The following OPRL1 variants were observed in gnomAD, a reference collection of about 807,000 sequenced individuals.
OPRL1 encodes the protein nociceptin receptor.
A neutral mutation model predicts 15.5 loss-of-function variants in OPRL1; 5 were observed. That is an observed-to-expected ratio of 0.32 (90% CI 0.17 to 0.68). The LOEUF is 0.68. Ranked by LOEUF, OPRL1 falls within the 30% of genes least tolerant of loss-of-function variation. OPRL1 has a pLI of 0.72. For synonymous variants in OPRL1, 223 were observed against 230.2 expected (o/e 0.97, Z 0.28); for missense variants, 406 against 515.3 (o/e 0.79, Z 2.05).
rs949755732 is a variant in OPRL1, at chr20:64,090,425, A to G, written c.-184-1541A>G. ...CTGTTCCGTCCTCTCCTGATTTGCC[A>G]GGTATCCTAGCAACGCTGCTGCCAG... On this transcript the variant is annotated intron_variant, in intron 1 of 4. Transcript: ENST00000336866. This position sits in a 1 kb window ranked among gnomAD's most constrained non-coding sequence, Gnocchi z 4.9. 6.6e-6 allele frequency among the ~76,000 whole-genome samples: 1 copy of G among 152,210 alleles called. No individual in the cohort carries two copies. The highest frequency in any genetic ancestry group is 1.9e-4 in the East Asian group (1 of 5,198).
chr20:64,091,369 A>G (rs2060114759), intron 1 of OPRL1, among the ~76,000 whole-genome samples: 1 of 152,124 alleles, frequency 6.6e-6, no homozygotes, highest in African/African-American at 2.4e-5. Flanking sequence ...CGTGTCTCCA[A>G]GTGACGAACA....
intron 3 of OPRL1, among the ~76,000 whole-genome samples, chr20:64,096,327 G>A (rs1038401401): frequency 6.6e-6 from 1 of 152,132 alleles, no homozygotes; most frequent in African/African-American, 2.4e-5. Flanking sequence ...CAGCCAGTGG[G>A]CTGGGGTGAC....
At chr20:64,082,443 C>T (rs78839915) in intron 1 of OPRL1, among the ~76,000 whole-genome samples, 12 of 152,198 alleles carry the variant, frequency 7.9e-5, no homozygotes, top group African/African-American at 1.7e-4. Context: ...GGCTCCACCC[C>T]CTGGCCGGGG....
In OPRL1 at chr20:64,097,365, C is replaced by T. The variant is rs1490559199; in HGVS notation, c.234-437C>T. ...TTACAGATTCTGGAGCCCTCAGAAA[C>T]CTCTGGCAACTGTAGGGTCAGCATT... On this transcript the variant is annotated intron_variant, in intron 3 of 4. Transcript: ENST00000336866. The surrounding 1 kb of genome is among the most constrained non-coding windows in gnomAD (Gnocchi z 4.2). Among the ~76,000 whole-genome samples, 1 of 152,086 alleles carries T rather than the reference C, an allele frequency of 6.6e-6. No homozygotes were observed.
In OPRL1 at chr20:64,084,410, C is replaced by T. The variant is rs2060019324; in HGVS notation, c.-185+4058C>T. 9 of 1,267,840 alleles carry T rather than the reference C, an allele frequency of 7.1e-6. No individual in the cohort carries two copies. The South Asian group carries it at 2.5e-4, about 35-fold the overall frequency. The allele number at this position is 1,267,840 out of a possible 1,614,324, so 78.5% of individuals were successfully genotyped here. A position where few individuals can be genotyped will look rare whatever the true frequency, so the allele number is the denominator to read the frequency against. The stretch of plus-strand genomic sequence containing the variant: ...CGCTCTCCCTCTCCCAAGCGCACGT[C>T]CCCAGCAGCTCTGCCATCGGCTGAT... On this transcript the variant is annotated intron_variant, in intron 1 of 4. Transcript: ENST00000336866.
At position 64,088,736 on chromosome 20, in the gene OPRL1, GGT is replaced by G. The variant is rs2060086421; in HGVS notation, c.-184-3229_-184-3228del. 3.8e-3 allele frequency among the ~76,000 whole-genome samples: 33 copies of G among 8,664 alleles called. 3 individuals carry two copies. The highest frequency in any genetic ancestry group is 0.011 in the East Asian group (3 of 276). The allele number at this position is 8,664 out of a possible 152,430, so 5.7% of individuals were successfully genotyped here. A position where few individuals can be genotyped will look rare whatever the true frequency, so the allele number is the denominator to read the frequency against. The stretch of plus-strand genomic sequence containing the variant: ...CAGAGTGGCCAGGATCTGTGCAAGG[GGT>G]AGGATCTGTGCAGAGTGGCCAGGAT... On this transcript the variant is annotated intron_variant, in intron 1 of 4. Coordinates refer to ENST00000336866, the MANE Select transcript of OPRL1 (RefSeq NM_182647.4).
At chr20:64,091,462 A>G (rs1394730017) in intron 1 of OPRL1, among the ~76,000 whole-genome samples, 2 of 152,194 alleles carry the variant, frequency 1.3e-5, no homozygotes, top group Non-Finnish European at 2.9e-5. Context: ...GTGGCCGGGT[A>G]TGGTGGGGGT....
rs1979671228 is a variant in OPRL1, at chr20:64,100,221, C to T, written c.*1422C>T. On this transcript the variant is annotated 3_prime_UTR_variant, in exon 5 of 5. Transcript: ENST00000336866. ...GTTGGTGACTTTGCAAATGCACTTCCTACAGATGAACTATTAAAAGACCTG... is the reference window on the plus strand; with the variant it reads ...GTTGGTGACTTTGCAAATGCACTTCTTACAGATGAACTATTAAAAGACCTG... The T allele has an allele frequency of 6.6e-6, 1 of 152,210 alleles. No homozygotes were observed. The highest frequency in any genetic ancestry group is 2.1e-4 in the South Asian group (1 of 4,836). 9.4% of individuals were successfully genotyped at this position (152,210 alleles called of 1,614,324 possible). A position where few individuals can be genotyped will look rare whatever the true frequency, so the allele number is the denominator to read the frequency against.
chr20:64,092,766 A>C lies in OPRL1; in HGVS notation c.46A>C (p.Ser16Arg). 7 of 1,612,750 alleles carry C rather than the reference A, an allele frequency of 4.3e-6. No homozygotes were observed. Among genetic ancestry groups the C allele is most frequent in the Non-Finnish European group, 5.9e-6 (7 of 1,179,948 alleles). The change falls in exon 3 of 5, where the codon AGC becomes CGC. Residue 16 changes from serine (S) to arginine (R), a missense_variant. By Grantham distance (110) the Ser-to-Arg change is moderately radical (BLOSUM62 -1). Coordinates refer to ENST00000336866, the MANE Select transcript of OPRL1 (RefSeq NM_182647.4). ...PAPFWEVIYG[S>R]HLQGNLSLLS... is the part of the protein sequence containing the mutation. The stretch of plus-strand genomic sequence containing the variant: ...GCCGTTCTGGGAGGTTATCTACGGC[A>C]GCCACCTTCAGGGCAACCTGTCCCT...
intron 3 of OPRL1, among the ~76,000 whole-genome samples, chr20:64,095,489 T>C (rs1042200399): frequency 2.0e-5 from 3 of 150,700 alleles, no homozygotes; most frequent in Non-Finnish European, 4.4e-5. Flanking sequence ...GAGGGTTTTC[T>C]GGGCAGAGGA....
intron 1 of OPRL1, among the ~76,000 whole-genome samples, chr20:64,088,523 TG>T (rs2060076611): frequency 7.3e-6 from 1 of 137,824 alleles, no homozygotes; most frequent in Non-Finnish European, 1.5e-5. Context: ...AGCATCTATG[TG>T]GGGTGGGGGC....
Position 64,083,627 on chromosome 20 carries a change from G to T in OPRL1, c.-185+3275G>T. On this transcript the variant is annotated intron_variant, in intron 1 of 4. Transcript: ENST00000336866. The surrounding 1 kb of genome is among the most constrained non-coding windows in gnomAD (Gnocchi z 4.9). ...TCCGGGATCCGCGCGGGCTTCAGCT[G>T]CGGCGGCAGGAACAGCTCCAGCCGG... 6.8e-7 allele frequency: 1 copy of T among 1,474,276 alleles called. No individual in the cohort carries two copies. Among genetic ancestry groups the T allele is most frequent in the East Asian group, 2.7e-5 (1 of 37,248 alleles). The allele number at this position is 1,474,276 out of a possible 1,614,324, so 91.3% of individuals were successfully genotyped here. A position where few individuals can be genotyped will look rare whatever the true frequency, so the allele number is the denominator to read the frequency against.
At chr20:64,080,624 T>C (rs6011284) in intron 1 of OPRL1, among the ~76,000 whole-genome samples, 5,976 of 152,276 alleles carry the variant, frequency 0.039, 284 homozygotes, top group African/African-American at 0.11. Flanking sequence ...CCTGTCCCTT[T>C]GGCCGACTCT....
At position 64,098,707 on chromosome 20, in the gene OPRL1, C is replaced by T. The variant is rs150300242; in HGVS notation, c.1021C>T (p.Arg341Trp). 42 of 1,612,588 alleles carry T rather than the reference C, an allele frequency of 2.6e-5. No individual in the cohort carries two copies. In the African/African-American group the frequency reaches 3.1e-4, roughly 12 times the overall value. Residue 341 changes from arginine to tryptophan, a missense_variant, in exon 5 of 5, where the codon CGG becomes TGG. Arg to Trp is a moderately radical substitution (Grantham distance 101, BLOSUM62 -3). Coordinates refer to ENST00000336866, the MANE Select transcript of OPRL1 (RefSeq NM_182647.4). Reference sequence around the variant, plus strand: ...GTTCTGCTGTGCATCTGCCCTGCGCCGGGACGTGCAGGTGTCTGACCGCGT... The same window carrying T: ...GTTCTGCTGTGCATCTGCCCTGCGCTGGGACGTGCAGGTGTCTGACCGCGT... Reference protein sequence around the residue: ...RKFCCASALRRDVQVSDRVRS... With the variant: ...RKFCCASALRWDVQVSDRVRS...
intron 1 of OPRL1, among the ~76,000 whole-genome samples, chr20:64,085,658 T>C (rs1205038187): frequency 6.6e-6 from 1 of 152,226 alleles, no homozygotes; most frequent in African/African-American, 2.4e-5. Context: ...ACGTATCTAT[T>C]ACTTCCACGA....
At chr20:64,088,932 G>T (rs1441675778) in intron 1 of OPRL1, among the ~76,000 whole-genome samples, 1 of 4,042 alleles carries the variant, frequency 2.5e-4, no homozygotes, top group Non-Finnish European at 5.6e-4. Flanking sequence ...ATCTGTGCAA[G>T]GGGTAGGATC....
Position 64,089,088 on chromosome 20 carries a change from G to A in OPRL1, c.-184-2878G>A, listed in dbSNP as rs1394661474. Among the ~76,000 whole-genome samples, 7 of 151,210 alleles carry A rather than the reference G, an allele frequency of 4.6e-5. No individual in the cohort carries two copies. In the South Asian group the frequency reaches 8.4e-4, roughly 18 times the overall value. On this transcript the variant is annotated intron_variant, in intron 1 of 4. Transcript: ENST00000336866. This position sits in a 1 kb window ranked among gnomAD's most constrained non-coding sequence, Gnocchi z 5.5. Reference sequence around the variant, plus strand: ...TATGTGGGTGGGGGGCAGGTTCTGCGCAGGGGGCCTAGGCTGTTCAGCATG... The same window carrying A: ...TATGTGGGTGGGGGGCAGGTTCTGCACAGGGGGCCTAGGCTGTTCAGCATG...
At position 64,097,461 on chromosome 20, in the gene OPRL1, C is replaced by A. The variant is rs1322341291; in HGVS notation, c.234-341C>A. Among the ~76,000 whole-genome samples, 1 of 152,210 alleles carries A rather than the reference C, an allele frequency of 6.6e-6. No homozygotes were observed. Among genetic ancestry groups the A allele is most frequent in the African/African-American group, 2.4e-5 (1 of 41,436 alleles). On this transcript the variant is annotated intron_variant, in intron 3 of 4. Transcript: ENST00000336866. This position sits in a 1 kb window ranked among gnomAD's most constrained non-coding sequence, Gnocchi z 4.2. ...AGACTCTTTCCCTTAGGGCTCTAAACCTTTGCTCCTGTGCAGAATCCGGGG... is the reference window on the plus strand; with the variant it reads ...AGACTCTTTCCCTTAGGGCTCTAAAACTTTGCTCCTGTGCAGAATCCGGGG...
intron 1 of OPRL1, among the ~76,000 whole-genome samples, chr20:64,082,582 G>T (rs1337276764): frequency 1.3e-5 from 2 of 152,298 alleles, no homozygotes; most frequent in East Asian, 3.9e-4. Flanking sequence ...CTGCGGTCCC[G>T]CTTCTGTGCA....
Sources: allele counts gnomAD v4.1 joint callset (sites outside exome capture counted in the v4.1 genomes callset), GRCh38; gene constraint gnomAD v4.1.1; non-coding constraint Gnocchi (gnomAD v3.1); transcripts MANE v1.5; gene names NCBI Gene and HGNC (gene_info 2026-07-23, HGNC 2026-07-21).